CCDC171: variants seen among roughly 807,000 people sequenced by gnomAD.
CCDC171 encodes the protein coiled-coil domain-containing protein 171.
CCDC171 carries 177 observed loss-of-function variants against 168.2 expected under a neutral mutation model. The observed-to-expected ratio is 1.05, with a 90% CI of 0.93 to 1.19. The LOEUF is 1.19. CCDC171 is among the 50% of genes most tolerant of loss of function. The pLI, the probability that CCDC171 is intolerant of heterozygous loss-of-function variation, is 0.00. For synonymous variants in CCDC171, 687 were observed against 540.8 expected (o/e 1.27, Z -3.75); for missense variants, 1,991 against 1,539.0 (o/e 1.29, Z -4.91).
At chr9:15,748,745 A>T (rs1303618702) in intron 18 of CCDC171, among the ~76,000 whole-genome samples, 1 of 152,204 alleles carries the variant, frequency 6.6e-6, no homozygotes, top group Non-Finnish European at 1.5e-5. Context: ...TGAAGGAGAA[A>T]TAAAATCCTT....
At chr9:15,794,519 T>A (rs1564421307) in intron 21 of CCDC171, among the ~76,000 whole-genome samples, 1 of 150,894 alleles carries the variant, frequency 6.6e-6, no homozygotes, top group Non-Finnish European at 1.5e-5. Flanking sequence ...TTGGATATTA[T>A]GAAATACAGT....
intron 21 of CCDC171, among the ~76,000 whole-genome samples, chr9:15,807,074 C>T (rs1175902472): frequency 6.6e-6 from 1 of 152,148 alleles, no homozygotes; most frequent in East Asian, 1.9e-4. Flanking sequence ...TGTCAGATCA[C>T]ATAGTTCTTC....
chr9:15,570,764 T>C (rs1382975461), intron 2 of CCDC171, among the ~76,000 whole-genome samples: 1 of 152,216 alleles, frequency 6.6e-6, no homozygotes, highest in African/African-American at 2.4e-5. Flanking sequence ...CAAGTAGTGT[T>C]AAAACTCTAG....
the CCDC171 span, among the ~76,000 whole-genome samples, chr9:16,071,944 C>A: frequency 6.6e-6 from 1 of 152,072 alleles, no homozygotes; most frequent in Non-Finnish European, 1.5e-5. Flanking sequence ...CTCACCTGAA[C>A]AAACCAAATT....
chr9:15,678,959 G>C (rs917491423), intron 10 of CCDC171, 63 bp downstream of exon 10: 8 of 1,234,038 alleles, frequency 6.5e-6, no homozygotes, highest in Non-Finnish European at 9.1e-6. Flanking sequence ...ATGTATAGCA[G>C]GGTTTTTCCT....
chr9:15,778,519 G>T (rs1487718175), intron 19 of CCDC171, among the ~76,000 whole-genome samples: 1 of 150,912 alleles, frequency 6.6e-6, no homozygotes, highest in Non-Finnish European at 1.5e-5. Context: ...GGTGCCTCAT[G>T]CCTCTAATCC....
chr9:16,055,960 G>T (rs1833832523), intron 1 of CCDC171, among the ~76,000 whole-genome samples: 1 of 152,144 alleles, frequency 6.6e-6, no homozygotes, highest in African/African-American at 2.4e-5. Flanking sequence ...CCAACAATTG[G>T]GTAATGAAAT....
At chr9:16,034,328 AATTTGACACAC>A (rs1463224068) in intron 6 of CCDC171, among the ~76,000 whole-genome samples, 2 of 152,150 alleles carry the variant, frequency 1.3e-5, no homozygotes, top group African/African-American at 4.8e-5. Flanking sequence ...GAGGCCACCT[AATTTGACACAC>A]ATTTGACACA....
intron 24 of CCDC171, among the ~76,000 whole-genome samples, chr9:15,893,507 A>T (rs1334068424): frequency 6.6e-6 from 1 of 152,170 alleles, no homozygotes; most frequent in Non-Finnish European, 1.5e-5. Flanking sequence ...AACCTACAGA[A>T]TGAGAGAAAA....
At chr9:15,567,302 A>G (rs1024478963) in intron 2 of CCDC171, among the ~76,000 whole-genome samples, 18 of 152,186 alleles carry the variant, frequency 1.2e-4, no homozygotes, top group African/African-American at 4.1e-4. Flanking sequence ...TTACAGGCGT[A>G]CATGTCTGTT....
chr9:15,901,710 T>C (rs1821691628), intron 24 of CCDC171, among the ~76,000 whole-genome samples: 1 of 152,188 alleles, frequency 6.6e-6, no homozygotes, highest in Non-Finnish European at 1.5e-5. Flanking sequence ...CTTGGTCTAT[T>C]TGTTAAACAT....
rs1015655122 is a variant in CCDC171 at position 15,651,695 on chromosome 9, T to A, written c.823-5432T>A. On this transcript the variant is annotated intron_variant, in intron 7 of 25. Transcript: ENST00000380701. ...AATGACAGCATTTCACTCTTTTTTTTATGGCCAAGTAGTATTCCATTGTGT... is the reference window on the plus strand; with the variant it reads ...AATGACAGCATTTCACTCTTTTTTTAATGGCCAAGTAGTATTCCATTGTGT... Among the ~76,000 whole-genome samples the A allele has an allele frequency of 2.0e-5, 3 of 152,208 alleles. No homozygotes were observed. The East Asian group carries it at 5.8e-4, about 29-fold the overall frequency.
At chr9:15,936,455 T>G (rs575128410) in intron 25 of CCDC171, among the ~76,000 whole-genome samples, 11 of 152,086 alleles carry the variant, frequency 7.2e-5, no homozygotes, top group African/African-American at 2.6e-4. Context: ...CCAGCTCATC[T>G]GTTGATCTTG....
intron 1 of CCDC171, among the ~76,000 whole-genome samples, chr9:16,059,265 A>AAGG (rs1833891356): frequency 6.6e-6 from 1 of 152,202 alleles, no homozygotes; most frequent in African/African-American, 2.4e-5. Context: ...TTTACACTTA[A>AAGG]AGGACTAAGA....
chr9:15,705,888 G>C (rs2052182555), intron 11 of CCDC171, among the ~76,000 whole-genome samples: 1 of 152,164 alleles, frequency 6.6e-6, no homozygotes, highest in Admixed American at 6.5e-5. Flanking sequence ...TTAATATCAG[G>C]TTGAAGGTCT....
intron 6 of CCDC171, among the ~76,000 whole-genome samples, chr9:16,028,124 C>G (rs1200218927): frequency 6.6e-6 from 1 of 152,132 alleles, no homozygotes; most frequent in African/African-American, 2.4e-5. Context: ...GTCTTCATGG[C>G]CATGAGTCTT....
upstream of CCDC171, among the ~76,000 whole-genome samples, chr9:16,040,995 A>G (rs1205809051): frequency 1.3e-5 from 2 of 152,194 alleles, no homozygotes; most frequent in Non-Finnish European, 2.9e-5. Flanking sequence ...GGTCAAATCT[A>G]AGCATCAAGT....
chr9:15,617,627 C>G (rs1337561836), intron 6 of CCDC171, among the ~76,000 whole-genome samples: 1 of 152,104 alleles, frequency 6.6e-6, no homozygotes, highest in South Asian at 2.1e-4. Context: ...CCACCCGCCT[C>G]GGCCTCCAAA....
At chr9:15,789,098 C>G (rs1280577144) in intron 21 of CCDC171, among the ~76,000 whole-genome samples, 1 of 152,038 alleles carries the variant, frequency 6.6e-6, no homozygotes, top group Admixed American at 6.6e-5. Context: ...TAGGTTTGTC[C>G]TGGAGGCAGA....
Sources: gnomAD v4.1 joint callset for allele counts (sites outside exome capture counted in the v4.1 genomes callset) on GRCh38, gnomAD v4.1.1 for gene constraint, MANE v1.5 for transcripts, NCBI Gene and HGNC (gene_info 2026-07-23, HGNC 2026-07-21) for gene names.